PIAS2: variants seen among roughly 807,000 people sequenced by gnomAD.
PIAS2 encodes E3 SUMO-protein ligase PIAS2.
A neutral mutation model predicts 69.7 loss-of-function variants in PIAS2; 19 were observed. That is an observed-to-expected ratio of 0.27 (90% CI 0.19 to 0.40). The LOEUF is 0.40. Ranked by LOEUF, PIAS2 falls within the 10% of genes least tolerant of loss-of-function variation. The pLI, the probability that PIAS2 is intolerant of heterozygous loss-of-function variation, is 1.00. For missense variants in PIAS2, 624 were observed against 757.0 expected (o/e 0.82, Z 2.06); for synonymous variants, 261 against 263.2 (o/e 0.99, Z 0.08).
intron 2 of PIAS2, among the ~76,000 whole-genome samples, chr18:46,882,522 C>T (rs983094296): frequency 1.3e-5 from 2 of 152,094 alleles, no homozygotes; most frequent in African/African-American, 4.8e-5. Context: ...ACTTCACATC[C>T]GGGCATTTAT....
At position 46,900,929 on chromosome 18, in the gene PIAS2, G is replaced by A. The variant is rs146118703; in HGVS notation, c.25-9875C>T. On this transcript the variant is annotated intron_variant, in intron 1 of 13. Coordinates refer to ENST00000585916, the MANE Select transcript of PIAS2 (RefSeq NM_004671.5). ...GCGGAGGTTGCGGTGAGCCGACGTC[G>A]TGCCATTGTACTCCAGCCTGGGTGA... The A allele has an allele frequency of 2.4e-3, 643 of 273,436 alleles. 2 individuals carry two copies. Among genetic ancestry groups the A allele is most frequent in the African/African-American group, 0.01 (442 of 42,406 alleles). The allele number at this position is 273,436 out of a possible 1,614,324, so 16.9% of individuals were successfully genotyped here.
At position 46,890,765 on chromosome 18, in the gene PIAS2, G is replaced by A. The variant is rs1490934402; in HGVS notation, c.314C>T (p.Pro105Leu). 12 of 1,614,038 alleles carry A rather than the reference G, an allele frequency of 7.4e-6. No individual in the cohort carries two copies. The highest frequency in any genetic ancestry group is 1.0e-5 in the Non-Finnish European group (12 of 1,180,028). ...TGAGTGAGGTGTAACTGAAGTGGAA[G>A]GCAACGAGTGGATTCCAGCCACGGC... ...DLAVAGIHSL[P>L]STSVTPHSPS... is the part of the protein sequence containing the mutation. The change falls in exon 2 of 14, where the codon CCT becomes CTT. Residue 105 changes from proline to leucine, a missense_variant. By Grantham distance (98) the Pro-to-Leu change is moderately conservative (BLOSUM62 -3). Transcript: ENST00000585916.
In PIAS2 at chr18:46,812,261, T is replaced by C. The variant is rs543884339; in HGVS notation, c.*172A>G. On this transcript the variant is annotated 3_prime_UTR_variant, in exon 14 of 14. Coordinates refer to ENST00000585916, the MANE Select transcript of PIAS2 (RefSeq NM_004671.5). ...ATTAAGAAAAATCCTTGCATGTCAT[T>C]TGGTTCTTGTTGCAGTCTTCTGTGT... The C allele has an allele frequency of 1.9e-6, 1 of 528,656 alleles. No individual in the cohort carries two copies. The highest frequency in any genetic ancestry group is 3.1e-5 in the South Asian group (1 of 32,628). 32.7% of individuals were successfully genotyped at this position (528,656 alleles called of 1,614,324 possible).
chr18:46,890,889 G>A lies in PIAS2; in HGVS notation c.190C>T (p.Arg64Ter), dbSNP rs763791032. 2 of 1,614,002 alleles carry A rather than the reference G, an allele frequency of 1.2e-6. No individual in the cohort carries two copies. The highest frequency in any genetic ancestry group is 2.2e-5 in the East Asian group (1 of 44,902). Residue 64 changes from arginine to a stop codon, truncating the protein, a stop_gained, in exon 2 of 14, where the codon CGA becomes TGA. Transcript: ENST00000585916. LOFTEE classifies it high-confidence loss of function. ...AGTCCTTCAAGAGTTCGTGGATATC[G>A]GCGTCTATACAATTCTCGGATTTTA... The part of the protein sequence containing the change: ...QIKIRELYRR[R>*]YPRTLEGLSD...
chr18:46,859,288 C>T (rs943568180), intron 3 of PIAS2, among the ~76,000 whole-genome samples: 1 of 151,898 alleles, frequency 6.6e-6, no homozygotes, highest in African/African-American at 2.4e-5. Flanking sequence ...ATTAGCCAGG[C>T]GTGGTGGTGG....
intron 2 of PIAS2, among the ~76,000 whole-genome samples, chr18:46,868,411 C>G (rs1387789437): frequency 6.6e-6 from 1 of 152,192 alleles, no homozygotes; most frequent in African/African-American, 2.4e-5. Flanking sequence ...GCTGAGACAG[C>G]TCTCCCTGCC....
chr18:46,869,606 A>G (rs940228289), intron 2 of PIAS2, among the ~76,000 whole-genome samples: 1 of 152,240 alleles, frequency 6.6e-6, no homozygotes, highest in Admixed American at 6.5e-5. Flanking sequence ...AATGAAAGAT[A>G]TAAAGCTAGT....
intron 5 of PIAS2, among the ~76,000 whole-genome samples, chr18:46,852,108 T>G (rs1237533386): frequency 5.9e-5 from 9 of 152,362 alleles, no homozygotes; most frequent in Admixed American, 5.9e-4. Context: ...TTTCTTCTTC[T>G]GAGGCTGCAG....
intron 5 of PIAS2, among the ~76,000 whole-genome samples, chr18:46,851,043 G>A (rs1040956610): frequency 6.6e-6 from 1 of 152,132 alleles, no homozygotes; most frequent in African/African-American, 2.4e-5. Flanking sequence ...AGGTAAGGAG[G>A]TGCCTCTTCA....
rs1294337982 is a variant in PIAS2 at position 46,805,777 on chromosome 18, A to G, written c.*6656T>C. The G allele has an allele frequency of 6.6e-6, 1 of 152,244 alleles. No individual in the cohort carries two copies. Among genetic ancestry groups the G allele is most frequent in the Non-Finnish European group, 1.5e-5 (1 of 68,048 alleles). The allele number at this position is 152,244 out of a possible 1,614,324, so 9.4% of individuals were successfully genotyped here. On this transcript the variant is annotated 3_prime_UTR_variant, in exon 14 of 14. Transcript: ENST00000585916. ...ATACAGAATGGAGATAAGTGAAGGC[A>G]AAAATGGATGACAAGGGAGGTTTGT...
chr18:46,874,767 C>T (rs1462886868), intron 2 of PIAS2, among the ~76,000 whole-genome samples: 2 of 152,166 alleles, frequency 1.3e-5, no homozygotes, highest in Non-Finnish European at 2.9e-5. Flanking sequence ...TCTCTTCCCT[C>T]AGAACTAAAG....
intron 1 of PIAS2, among the ~76,000 whole-genome samples, chr18:46,898,784 A>C (rs2055312704): frequency 1.3e-5 from 2 of 152,146 alleles, no homozygotes; most frequent in Admixed American, 6.5e-5. Context: ...ACCTGAGGTC[A>C]GAAGTTAGAG....
chr18:46,805,187 C>T lies in PIAS2; in HGVS notation c.*7246G>A, dbSNP rs530205. 61,501 of 151,956 alleles carry T rather than the reference C, an allele frequency of 0.4. 12,830 individuals are homozygous for T. Among genetic ancestry groups the T allele is most frequent in the Middle Eastern group, 0.52 (152 of 294 alleles). The allele number at this position is 151,956 out of a possible 1,614,324, so 9.4% of individuals were successfully genotyped here. On this transcript the variant is annotated 3_prime_UTR_variant, in exon 14 of 14. Transcript: ENST00000585916. ...GAGAATGGGCAAAGGAACTATGCTACGTCATGTCGGAGGATGGATAGGTTA... is the reference window on the plus strand; with the variant it reads ...GAGAATGGGCAAAGGAACTATGCTATGTCATGTCGGAGGATGGATAGGTTA...
At chr18:46,832,892 C>CAAAAAAAAAAAAAAAAAAAAAAAAAAA (rs34958166) in intron 9 of PIAS2, among the ~76,000 whole-genome samples, 14 of 105,962 alleles carry the variant, frequency 1.3e-4, no homozygotes, top group Non-Finnish European at 2.3e-4. Context: ...CCTCTGTCTC[C>CAAAAAAAAAAAAAAAAAAAAAAAAAAA]AAAAAAAAAA....
chr18:46,842,277 C>CA (rs56665149), intron 8 of PIAS2, among the ~76,000 whole-genome samples: 4,636 of 98,274 alleles, frequency 0.047, 217 homozygotes, highest in African/African-American at 0.14. Context: ...GTTATGAATG[C>CA]AAAAAAAAAA....
In PIAS2 at chr18:46,807,083, G is replaced by C. The variant is rs1360134397; in HGVS notation, c.*5350C>G. The C allele has an allele frequency of 6.6e-6, 1 of 151,544 alleles. No individual in the cohort carries two copies. The highest frequency in any genetic ancestry group is 1.9e-4 in the East Asian group (1 of 5,134). 9.4% of individuals were successfully genotyped at this position (151,544 alleles called of 1,614,324 possible). On this transcript the variant is annotated 3_prime_UTR_variant, in exon 14 of 14. Coordinates refer to ENST00000585916, the MANE Select transcript of PIAS2 (RefSeq NM_004671.5). ...TTTTAGCCTTACCACTTTTCAGTTT[G>C]GGGATGGAATGCCTTTGGCTCAGTA...
In PIAS2 at chr18:46,811,885, A is replaced by G. The variant is rs967555368; in HGVS notation, c.*548T>C. 3.9e-5 allele frequency: 6 copies of G among 152,148 alleles called. No individual in the cohort carries two copies. Among genetic ancestry groups the G allele is most frequent in the Admixed American group, 1.3e-4 (2 of 15,274 alleles). 9.4% of individuals were successfully genotyped at this position (152,148 alleles called of 1,614,324 possible). The stretch of plus-strand genomic sequence containing the variant: ...AAGAAAAGTGGAAATGCAGGACGAA[A>G]AGTGGAATCCAAGCTTTGGCCACGT... On this transcript the variant is annotated 3_prime_UTR_variant, in exon 14 of 14. Transcript: ENST00000585916.
chr18:46,900,459 G>A (rs1396719204), intron 1 of PIAS2, among the ~76,000 whole-genome samples: 2 of 151,760 alleles, frequency 1.3e-5, no homozygotes, highest in East Asian at 3.9e-4. Flanking sequence ...ACTTGGGCCA[G>A]GAGTTCAAGA....
chr18:46,913,561 T>TAAA (rs758512713), intron 1 of PIAS2, among the ~76,000 whole-genome samples: 5,619 of 136,278 alleles, frequency 0.041, 154 homozygotes, highest in Non-Finnish European at 0.066. Flanking sequence ...GGGAGATCCT[T>TAAA]AAAAAAAAAA....
Sources: allele counts gnomAD v4.1 joint callset (sites outside exome capture counted in the v4.1 genomes callset), GRCh38; gene constraint gnomAD v4.1.1; transcripts MANE v1.5; gene names NCBI Gene and HGNC (gene_info 2026-07-23, HGNC 2026-07-21).